Variants in AFF3 observed in about 807,000 individuals in gnomAD.
AFF3 encodes AF4/FMR2 family member 3.
Under a neutral mutation model 129.7 loss-of-function variants are expected in AFF3, and 32 were observed. The ratio of observed to expected loss-of-function variants is 0.25; its 90% CI spans 0.19 to 0.33. The LOEUF is 0.33. Among genes scored for constraint, AFF3 ranks in the 10% least tolerant of loss-of-function variants. The probability of loss-of-function intolerance (pLI) is 1.00; values close to 1 mark genes in which losing one functional copy is unlikely to be tolerated. For missense variants in AFF3, 1,373 were observed against 1,592.0 expected, an observed-to-expected ratio of 0.86 and a Z score of 2.34; for synonymous variants, 644 against 635.4, an observed-to-expected ratio of 1.01 and a Z score of -0.20.
intron 8 of AFF3, among the ~76,000 whole-genome samples, chr2:99,829,026 A>G (rs1688322062): frequency 6.6e-6 from 1 of 152,222 alleles, no homozygotes. Context: ...GCTATATAAT[A>G]AAACCAGTTT....
intron 7 of AFF3, among the ~76,000 whole-genome samples, chr2:99,966,546 C>T (rs1677774421): frequency 1.3e-5 from 2 of 149,466 alleles, no homozygotes; most frequent in African/African-American, 2.5e-5. Context: ...AAAAATTAGC[C>T]GGGCGTAGTG....
intron 8 of AFF3, among the ~76,000 whole-genome samples, chr2:99,800,225 CAAT>C (rs1469201514): frequency 4.6e-5 from 7 of 152,054 alleles, no homozygotes; most frequent in Admixed American, 4.6e-4. Flanking sequence ...CAAAAATCAA[CAAT>C]GAGAACAAAA....
At chr2:99,968,883 T>A (rs1678057945) in intron 7 of AFF3, among the ~76,000 whole-genome samples, 2 of 152,202 alleles carry the variant, frequency 1.3e-5, no homozygotes, top group Non-Finnish European at 2.9e-5. Context: ...AAGAGACATC[T>A]TCTTCATCAT....
chr2:99,949,135 G>A (rs1559001935), intron 7 of AFF3, among the ~76,000 whole-genome samples: 1 of 152,080 alleles, frequency 6.6e-6, no homozygotes, highest in Non-Finnish European at 1.5e-5. Context: ...CTTAGGCTTT[G>A]GATTCCTCAT....
chr2:99,772,225 G>A (rs756180083), intron 8 of AFF3, among the ~76,000 whole-genome samples: 1 of 152,206 alleles, frequency 6.6e-6, no homozygotes, highest in Non-Finnish European at 1.5e-5. Context: ...GGTGGCAGGG[G>A]CCTGAGAGGC....
intron 7 of AFF3, among the ~76,000 whole-genome samples, chr2:99,901,064 G>T (rs2106143435): frequency 6.6e-6 from 1 of 152,344 alleles, no homozygotes; most frequent in Admixed American, 6.5e-5. Flanking sequence ...ATGTGTGCAT[G>T]CCTGCATATG....
intron 7 of AFF3, among the ~76,000 whole-genome samples, chr2:99,846,988 A>G (rs1179295705): frequency 2.6e-5 from 4 of 152,176 alleles, no homozygotes; most frequent in African/African-American, 9.7e-5. Context: ...ATAAATAAAT[A>G]CAGCTAAAAT....
intron 7 of AFF3, among the ~76,000 whole-genome samples, chr2:99,840,716 T>C (rs1689254400): frequency 6.6e-6 from 1 of 152,190 alleles, no homozygotes; most frequent in South Asian, 2.1e-4. Context: ...TCTGACACTC[T>C]GATACAACTG....
intron 7 of AFF3, among the ~76,000 whole-genome samples, chr2:99,846,151 C>T (rs1023609103): frequency 1.4e-4 from 21 of 147,416 alleles, no homozygotes; most frequent in Middle Eastern, 4.5e-3. Flanking sequence ...ACTTTTGAGA[C>T]GGAGTTTGGC....
chr2:99,742,367 A>G (rs1266381361), intron 10 of AFF3, among the ~76,000 whole-genome samples: 4 of 152,082 alleles, frequency 2.6e-5, no homozygotes, highest in African/African-American at 9.7e-5. Flanking sequence ...TAAAAAAAAA[A>G]TCCCCTTACT....
In AFF3 at chr2:99,947,579, AAAAGAAAG is replaced by A. The variant is rs1163104965; in HGVS notation, c.873+59045_873+59052del. On this transcript the variant is annotated intron_variant, in intron 7 of 24. Transcript: ENST00000672756. ...AGAGAGAAAGAGAAAGAAAGAAAAG[AAAAGAAAG>A]AAAGAAAGAAAGAAAGATAGATAGA... 6.2e-4 allele frequency among the ~76,000 whole-genome samples: 83 copies of A among 134,400 alleles called. No individual in the cohort carries two copies. In the East Asian group the frequency reaches 0.011, roughly 18 times the overall value. The allele number at this position is 134,400 out of a possible 152,430, so 88.2% of individuals were successfully genotyped here. A position where few individuals can be genotyped will look rare whatever the true frequency, so the allele number is the denominator to read the frequency against.
At chr2:99,819,024 C>T (rs1475168730) in intron 8 of AFF3, among the ~76,000 whole-genome samples, 1 of 152,122 alleles carries the variant, frequency 6.6e-6, no homozygotes, top group African/African-American at 2.4e-5. Flanking sequence ...AATGTTCCAC[C>T]AGGGGGTGTA....
chr2:99,924,967 C>T (rs1283755251), intron 7 of AFF3, among the ~76,000 whole-genome samples: 1 of 151,612 alleles, frequency 6.6e-6, no homozygotes, highest in Non-Finnish European at 1.5e-5. Context: ...CCTTGACCTT[C>T]CGGGCTCAAG....
chr2:99,775,764 A>C (rs1044024333), intron 8 of AFF3, among the ~76,000 whole-genome samples: 3 of 152,196 alleles, frequency 2.0e-5, no homozygotes, highest in African/African-American at 7.2e-5. Context: ...AAGCCATTAT[A>C]GGAATTCCTG....
chr2:99,654,289 G>C (rs1021167924), intron 12 of AFF3, among the ~76,000 whole-genome samples: 7 of 152,102 alleles, frequency 4.6e-5, no homozygotes, highest in Non-Finnish European at 8.8e-5. Context: ...AAGAAGAGGA[G>C]TATATGTCAG....
chr2:99,639,848 C>T (rs1254593342), intron 13 of AFF3, among the ~76,000 whole-genome samples: 3 of 151,836 alleles, frequency 2.0e-5, no homozygotes, highest in African/African-American at 7.3e-5. Context: ...CCACCGCACC[C>T]AGCTAATTTT....
chr2:99,635,153 G>A (rs1191140832), intron 13 of AFF3, among the ~76,000 whole-genome samples: 1 of 147,332 alleles, frequency 6.8e-6, no homozygotes, highest in African/African-American at 2.5e-5. Flanking sequence ...ATATCTCTAG[G>A]TATATGATAT....
chr2:100,125,194 A>G (rs1037073185), intron 2 of AFF3, among the ~76,000 whole-genome samples: 2 of 152,338 alleles, frequency 1.3e-5, no homozygotes, highest in Non-Finnish European at 2.9e-5. Context: ...AACACCTTAC[A>G]TTACAACAAT....
At chr2:100,084,046 T>C (rs1391636540) in intron 4 of AFF3, among the ~76,000 whole-genome samples, 3 of 152,238 alleles carry the variant, frequency 2.0e-5, no homozygotes, top group Non-Finnish European at 4.4e-5. Context: ...CCAATCTTTT[T>C]GACCAAATAT....
Sources: allele counts gnomAD v4.1 joint callset (sites outside exome capture counted in the v4.1 genomes callset), GRCh38; gene constraint gnomAD v4.1.1; transcripts MANE v1.5; gene names NCBI Gene and HGNC (gene_info 2026-07-23, HGNC 2026-07-21).